PTPN4: variants seen among roughly 807,000 people sequenced by gnomAD.
PTPN4 encodes protein tyrosine phosphatase non-receptor type 4.
PTPN4 carries 49 observed loss-of-function variants against 135.5 expected under a neutral mutation model. The ratio of observed to expected loss-of-function variants is 0.36; its 90% CI spans 0.29 to 0.46. PTPN4 has a LOEUF of 0.46. Among genes scored for constraint, PTPN4 ranks in the 20% least tolerant of loss-of-function variants. The pLI, the probability that PTPN4 is intolerant of heterozygous loss-of-function variation, is 1.00. For missense variants in PTPN4, 860 were observed against 1,101.0 expected, an observed-to-expected ratio of 0.78 and a Z score of 3.10; for synonymous variants, 333 against 369.9, an observed-to-expected ratio of 0.90 and a Z score of 1.14.
chr2:119,901,778 G>A (rs1310644038), intron 10 of PTPN4, among the ~76,000 whole-genome samples: 7 of 152,126 alleles, frequency 4.6e-5, no homozygotes, highest in Non-Finnish European at 1.0e-4. Context: ...CACAGAGATG[G>A]AAACCTTATG....
intron 15 of PTPN4, among the ~76,000 whole-genome samples, chr2:119,936,626 A>G (rs1173802305): frequency 6.6e-6 from 1 of 152,168 alleles, no homozygotes; most frequent in Non-Finnish European, 1.5e-5. Flanking sequence ...ACTGTGAGTC[A>G]ATTAAACCTC....
intron 1 of PTPN4, among the ~76,000 whole-genome samples, chr2:119,761,469 T>C (rs916652266): frequency 4.6e-5 from 7 of 152,342 alleles, no homozygotes; most frequent in Non-Finnish European, 7.4e-5. Flanking sequence ...TTGACTAATA[T>C]AAATTCAGCT....
chr2:119,945,864 C>T (rs1468097920), intron 16 of PTPN4, among the ~76,000 whole-genome samples: 1 of 151,984 alleles, frequency 6.6e-6, no homozygotes, highest in African/African-American at 2.4e-5. Flanking sequence ...TGTTTGTACA[C>T]CTCTGTGACA....
intron 2 of PTPN4, among the ~76,000 whole-genome samples, chr2:119,821,599 G>A (rs562714458): frequency 2.8e-4 from 42 of 152,154 alleles, no homozygotes; most frequent in Non-Finnish European, 5.4e-4. Context: ...TGTAAAATCT[G>A]GATGTTGATA....
chr2:119,775,704 C>T (rs1558721770), intron 1 of PTPN4, among the ~76,000 whole-genome samples: 1 of 152,198 alleles, frequency 6.6e-6, no homozygotes, highest in African/African-American at 2.4e-5. Context: ...AGGCCTGAAA[C>T]TGTAAATACC....
chr2:119,794,903 G>C (rs1001183326), intron 1 of PTPN4, among the ~76,000 whole-genome samples: 2 of 152,236 alleles, frequency 1.3e-5, no homozygotes, highest in Non-Finnish European at 2.9e-5. Flanking sequence ...GCTCAGAGGA[G>C]ACCTGCAGTG....
At chr2:119,844,349 AC>A (rs368879771) in intron 2 of PTPN4, among the ~76,000 whole-genome samples, 64,759 of 113,582 alleles carry the variant, frequency 0.57, 19,669 homozygotes, top group East Asian at 0.72. Context: ...CGGGGGGCTG[AC>A]CCCCCCCCCC....
intron 10 of PTPN4, among the ~76,000 whole-genome samples, chr2:119,914,771 T>G (rs941129812): frequency 6.6e-6 from 1 of 152,176 alleles, no homozygotes; most frequent in Non-Finnish European, 1.5e-5. Context: ...GGGTTGCGTT[T>G]AAGAAGAAGG....
rs755544755 is a variant in PTPN4, at chr2:119,945,194, A to G, written c.1469A>G (p.His490Arg). 4 of 1,593,022 alleles carry G rather than the reference A, an allele frequency of 2.5e-6. No homozygotes were observed. The highest frequency in any genetic ancestry group is 1.8e-5 in the Admixed American group (1 of 56,660). Residue 490 changes from histidine to arginine, a missense_variant, in exon 16 of 27, where the codon CAT becomes CGT. By Grantham distance (29) the His-to-Arg change is conservative. Transcript: ENST00000263708. ...YSHSQQDLES[H>R]INETFDIPSS... ...CATTCGCAACAAGATCTAGAAAGTCATATTAATGAAACATTTGATATTCCA... is the reference window on the plus strand; with the variant it reads ...CATTCGCAACAAGATCTAGAAAGTCGTATTAATGAAACATTTGATATTCCA...
intron 5 of PTPN4, among the ~76,000 whole-genome samples, chr2:119,879,566 C>G (rs1470044546): frequency 6.6e-6 from 1 of 152,164 alleles, no homozygotes; most frequent in Non-Finnish European, 1.5e-5. Flanking sequence ...GGCCACATCC[C>G]TAGATAATTC....
chr2:119,912,734 A>G (rs999313130), intron 10 of PTPN4, among the ~76,000 whole-genome samples: 1 of 152,180 alleles, frequency 6.6e-6, no homozygotes, highest in African/African-American at 2.4e-5. Context: ...TAATCTATGT[A>G]CCATAAATTT....
chr2:119,970,672 G>A (rs978311674), intron 26 of PTPN4, among the ~76,000 whole-genome samples: 1 of 152,094 alleles, frequency 6.6e-6, no homozygotes, highest in Non-Finnish European at 1.5e-5. Flanking sequence ...ATTTCATTGT[G>A]TATATTTTTA....
At chr2:119,804,964 C>T (rs892204454) in intron 1 of PTPN4, among the ~76,000 whole-genome samples, 23 of 152,132 alleles carry the variant, frequency 1.5e-4, no homozygotes, top group African/African-American at 5.1e-4. Flanking sequence ...TTTTAATGAT[C>T]GCCATTCTAA....
intron 3 of PTPN4, among the ~76,000 whole-genome samples, chr2:119,874,934 A>G (rs1458571190): frequency 1.3e-5 from 2 of 152,186 alleles, no homozygotes; most frequent in East Asian, 1.9e-4. Flanking sequence ...TGTGTCATCA[A>G]ACGTTTTAGT....
chr2:119,828,313 G>T (rs553233869), intron 2 of PTPN4, among the ~76,000 whole-genome samples: 2 of 152,322 alleles, frequency 1.3e-5, no homozygotes, highest in African/African-American at 4.8e-5. Flanking sequence ...CGCCATGTGG[G>T]CCCAGTCAAC....
At chr2:119,850,809 A>G (rs1180330651) in intron 2 of PTPN4, among the ~76,000 whole-genome samples, 4 of 152,226 alleles carry the variant, frequency 2.6e-5, no homozygotes, top group African/African-American at 9.7e-5. Flanking sequence ...GAGCAGATCC[A>G]TAGAGTTCCT....
chr2:119,847,328 A>ATATATT (rs1257711116), intron 2 of PTPN4, among the ~76,000 whole-genome samples: 70 of 102,714 alleles, frequency 6.8e-4, no homozygotes, highest in East Asian at 1.7e-3. Flanking sequence ...ATATATATAT[A>ATATATT]TTTTTTTTTT....
intron 15 of PTPN4, among the ~76,000 whole-genome samples, chr2:119,944,267 G>T (rs566090029): frequency 6.6e-6 from 1 of 152,046 alleles, no homozygotes; most frequent in Non-Finnish European, 1.5e-5. Flanking sequence ...ACAATTTTCC[G>T]CTTACCTATT....
Position 119,955,214 on chromosome 2 carries a change from C to A in PTPN4, c.1871C>A (p.Pro624His). The change falls in exon 20 of 27, where the codon CCT becomes CAT. Residue 624 changes from proline (P) to histidine (H), a missense_variant. Physicochemically the swap from Pro to His is moderately conservative, Grantham distance 77. This residue lies in a region of PTPN4 where 684 missense variants were observed against 807.0 expected (regional missense o/e 0.85). Coordinates refer to ENST00000263708, the MANE Select transcript of PTPN4 (RefSeq NM_002830.4). ...AATGAGCCAGATTTCCAGTATATTC[C>A]TGAGAAAGCCCCACTAGATAGTGTG... is the stretch of plus-strand genomic sequence containing the variant. ...LENEPDFQYI[P>H]EKAPLDSVHQ... 6.2e-7 allele frequency: 1 copy of A among 1,612,962 alleles called. No homozygotes were observed. The highest frequency in any genetic ancestry group is 8.5e-7 in the Non-Finnish European group (1 of 1,179,638).
Sources: allele counts gnomAD v4.1 joint callset (sites outside exome capture counted in the v4.1 genomes callset), GRCh38; gene constraint gnomAD v4.1.1; regional missense constraint gnomAD v4.1.1; transcripts MANE v1.5; gene names NCBI Gene and HGNC (gene_info 2026-07-23, HGNC 2026-07-21).